The following DAPK2 variants were observed in gnomAD, a reference collection of about 807,000 sequenced individuals.
DAPK2 encodes the protein death associated protein kinase 2.
Under a neutral mutation model 44.1 loss-of-function variants are expected in DAPK2, and 35 were observed. The ratio of observed to expected loss-of-function variants is 0.79; its 90% CI spans 0.61 to 1.05. The LOEUF (loss-of-function observed/expected upper bound fraction) is 1.05, where lower values mean the gene tolerates loss of function less well. Ranked by LOEUF, DAPK2 falls within the 50% of genes least tolerant of loss-of-function variation. The pLI is 0.00. For synonymous variants in DAPK2, 174 were observed against 182.6 expected, an observed-to-expected ratio of 0.95 and a Z score of 0.38; for missense variants, 453 against 483.2, an observed-to-expected ratio of 0.94 and a Z score of 0.59.
chr15:64,009,448 G>A (rs529407043), intron 1 of DAPK2, among the ~76,000 whole-genome samples: 1 of 152,084 alleles, frequency 6.6e-6, no homozygotes, highest in South Asian at 2.1e-4. Flanking sequence ...GAGCTCCTTG[G>A]CCAGGCCCCA....
chr15:63,930,986 C>A (rs1057334341), intron 4 of DAPK2, among the ~76,000 whole-genome samples: 1 of 152,044 alleles, frequency 6.6e-6, no homozygotes, highest in Non-Finnish European at 1.5e-5. Context: ...ATTGCTTGAG[C>A]CTGGGAAGGC....
Position 63,908,445 on chromosome 15 carries a change from T to G in DAPK2, c.*75A>C. ...GGACGCCCGGGTGCTGGTGCTGAGC[T>G]GGGTCCAAAAGTCTGCACAGAAGGG... is the stretch of plus-strand genomic sequence containing the variant. On this transcript the variant is annotated 3_prime_UTR_variant, in exon 11 of 11. Coordinates refer to ENST00000261891, the Ensembl canonical transcript of DAPK2. The surrounding 1 kb of genome is among the most constrained non-coding windows in gnomAD (Gnocchi z 5.7). The G allele has an allele frequency of 1.0e-6, 1 of 972,938 alleles. No homozygotes were observed. The highest frequency in any genetic ancestry group is 1.5e-6 in the Non-Finnish European group (1 of 675,906). 60.3% of individuals were successfully genotyped at this position (972,938 alleles called of 1,614,324 possible). A position where few individuals can be genotyped will look rare whatever the true frequency, so the allele number is the denominator to read the frequency against.
intron 1 of DAPK2, among the ~76,000 whole-genome samples, chr15:64,036,663 G>T (rs920992865): frequency 8.6e-5 from 13 of 151,972 alleles, no homozygotes; most frequent in Non-Finnish European, 1.9e-4. Context: ...ATTGTTACAT[G>T]TAACAAACTG....
chr15:63,977,265 A>G (rs2078379243), intron 2 of DAPK2, among the ~76,000 whole-genome samples: 1 of 152,108 alleles, frequency 6.6e-6, no homozygotes. Context: ...AGGCTGGTGC[A>G]CTATTTTCTC....
intron 1 of DAPK2, among the ~76,000 whole-genome samples, chr15:64,028,152 C>T (rs1483512032): frequency 2.0e-5 from 3 of 152,132 alleles, no homozygotes; most frequent in African/African-American, 2.4e-5. Flanking sequence ...TCCACCTCTG[C>T]GGTTCAAGTG....
At chr15:64,031,564 TTTCA>T (rs2080017722) in intron 1 of DAPK2, among the ~76,000 whole-genome samples, 1 of 152,196 alleles carries the variant, frequency 6.6e-6, no homozygotes, top group Non-Finnish European at 1.5e-5. Context: ...TGTCAATCGT[TTTCA>T]CTTTCCCAGC....
intron 3 of DAPK2, among the ~76,000 whole-genome samples, chr15:63,951,445 G>C (rs2077583695): frequency 6.6e-6 from 1 of 152,132 alleles, no homozygotes; most frequent in Admixed American, 6.5e-5. Flanking sequence ...CAAGATAGGT[G>C]ACATCGTCTA....
upstream of DAPK2, among the ~76,000 whole-genome samples, chr15:64,045,116 A>G (rs1260233195): frequency 6.6e-6 from 1 of 152,178 alleles, no homozygotes; most frequent in Non-Finnish European, 1.5e-5. Context: ...CCCACAGCTA[A>G]CAAATCGGGA....
Position 63,923,790 on chromosome 15 carries a change from AC to A in DAPK2, c.858+1025del, listed in dbSNP as rs1414360953. 1.3e-5 allele frequency among the ~76,000 whole-genome samples: 2 copies of A among 151,456 alleles called. No individual in the cohort carries two copies. Among genetic ancestry groups the A allele is most frequent in the Non-Finnish European group, 2.9e-5 (2 of 67,856 alleles). On this transcript the variant is annotated intron_variant, in intron 8 of 10. Coordinates refer to ENST00000261891, the Ensembl canonical transcript of DAPK2. This position sits in a 1 kb window ranked among gnomAD's most constrained non-coding sequence, Gnocchi z 4.2. ...GATAAAGCTGACCTCTTCCCAGACG[AC>A]TCCAGCCCTCCCTGTTCTGTCTTCC...
At chr15:63,967,681 A>G (rs1385843401) in intron 3 of DAPK2, among the ~76,000 whole-genome samples, 1 of 151,816 alleles carries the variant, frequency 6.6e-6, no homozygotes, top group East Asian at 1.9e-4. Context: ...ACAGAGCGAG[A>G]CTCTGTCTCA....
chr15:64,038,519 A>G (rs2080269796), intron 1 of DAPK2, among the ~76,000 whole-genome samples: 1 of 152,172 alleles, frequency 6.6e-6, no homozygotes, highest in Admixed American at 6.5e-5. Context: ...ACCAGGCCCA[A>G]GACTGGGAAA....
At chr15:63,961,174 C>CT (rs374121705) in intron 3 of DAPK2, among the ~76,000 whole-genome samples, 4,158 of 151,970 alleles carry the variant, frequency 0.027, 105 homozygotes, top group South Asian at 0.13. Context: ...GCAACCCTTG[C>CT]TTTTTTTTGT....
intron 1 of DAPK2, among the ~76,000 whole-genome samples, chr15:64,021,930 C>A (rs2079694171): frequency 6.6e-6 from 1 of 152,188 alleles, no homozygotes; most frequent in Admixed American, 6.5e-5. Context: ...GTTTGGACAG[C>A]AGAGTGGGCA....
intron 3 of DAPK2, among the ~76,000 whole-genome samples, chr15:63,958,435 A>G (rs963691935): frequency 2.0e-5 from 3 of 152,178 alleles, no homozygotes; most frequent in Admixed American, 2.0e-4. Flanking sequence ...GCCCATGTGT[A>G]TGGCCTGAAT....
intron 1 of DAPK2, among the ~76,000 whole-genome samples, chr15:64,018,328 A>G (rs2141064028): frequency 6.6e-6 from 1 of 152,254 alleles, no homozygotes; most frequent in South Asian, 2.1e-4. Flanking sequence ...GAGCCCAAGG[A>G]AGCAACTGCT....
At chr15:63,943,987 T>C (rs1450082440) in intron 3 of DAPK2, among the ~76,000 whole-genome samples, 5 of 152,210 alleles carry the variant, frequency 3.3e-5, no homozygotes, top group Admixed American at 6.5e-5. Flanking sequence ...TTTCCTCCTC[T>C]GGCACCTGTG....
chr15:63,962,163 T>C (rs2077920505), intron 3 of DAPK2, among the ~76,000 whole-genome samples: 1 of 152,224 alleles, frequency 6.6e-6, no homozygotes, highest in South Asian at 2.1e-4. Context: ...ATGCGTCACA[T>C]AGTTCTCGTG....
At chr15:63,971,598 C>A in intron 2 of DAPK2, 37 bp from the exon 4 acceptor site, 1 of 1,606,884 alleles carries the variant, frequency 6.2e-7, no homozygotes, top group Non-Finnish European at 8.5e-7. Flanking sequence ...AGGCCCAGGC[C>A]CAGTCAGCTC....
In DAPK2 at chr15:63,923,021, T is replaced by A; in HGVS notation, c.858+1795A>T. Reference sequence around the variant, plus strand: ...CAGCAGCTTCTTCAATGACTCCACCTTGCGGAACTCATACCTGAGCTGGGA... The same window carrying A: ...CAGCAGCTTCTTCAATGACTCCACCATGCGGAACTCATACCTGAGCTGGGA... On this transcript the variant is annotated intron_variant, in intron 8 of 10. Coordinates refer to ENST00000261891, the Ensembl canonical transcript of DAPK2. This position sits in a 1 kb window ranked among gnomAD's most constrained non-coding sequence, Gnocchi z 4.2. The A allele has an allele frequency of 6.5e-7, 1 of 1,535,858 alleles. No homozygotes were observed. Among genetic ancestry groups the A allele is most frequent in the Non-Finnish European group, 8.7e-7 (1 of 1,146,728 alleles).
Sources: allele counts gnomAD v4.1 joint callset (sites outside exome capture counted in the v4.1 genomes callset), GRCh38; gene constraint gnomAD v4.1.1; non-coding constraint Gnocchi (gnomAD v3.1); transcripts MANE v1.5; gene names NCBI Gene and HGNC (gene_info 2026-07-23, HGNC 2026-07-21).